Variants in RALGAPB observed in about 807,000 individuals in gnomAD.
The protein encoded by RALGAPB is Ral GTPase activating protein non-catalytic subunit beta.
Under a neutral mutation model 161.1 loss-of-function variants are expected in RALGAPB, and 25 were observed. The ratio of observed to expected loss-of-function variants is 0.16; its 90% CI spans 0.11 to 0.22. The LOEUF (loss-of-function observed/expected upper bound fraction) is 0.22, where lower values mean the gene tolerates loss of function less well. RALGAPB is among the 10% of genes least tolerant of loss of function. The pLI, the probability that RALGAPB is intolerant of heterozygous loss-of-function variation, is 1.00. For missense variants in RALGAPB, 1,391 were observed against 1,815.2 expected, an observed-to-expected ratio of 0.77 and a Z score of 4.25; for synonymous variants, 629 against 626.1, an observed-to-expected ratio of 1.00 and a Z score of -0.07.
chr20:38,557,061 G>A (rs868708244), intron 22 of RALGAPB, among the ~76,000 whole-genome samples: 2 of 152,314 alleles, frequency 1.3e-5, no homozygotes, highest in African/African-American at 2.4e-5. Flanking sequence ...GTGAAAGACA[G>A]TCATTCTTGC....
intron 2 of RALGAPB, among the ~76,000 whole-genome samples, chr20:38,489,290 C>T (rs940171836): frequency 6.6e-6 from 1 of 152,168 alleles, no homozygotes; most frequent in African/African-American, 2.4e-5. Context: ...GATTCTTCCA[C>T]CCCAGTGAGT....
At chr20:38,535,806 A>G (rs966277177) in intron 16 of RALGAPB, among the ~76,000 whole-genome samples, 2 of 152,070 alleles carry the variant, frequency 1.3e-5, no homozygotes, top group Non-Finnish European at 2.9e-5. Flanking sequence ...GCTGATCTCG[A>G]ACTTCTGACC....
intron 1 of RALGAPB, among the ~76,000 whole-genome samples, chr20:38,486,368 T>C (rs976055490): frequency 6.6e-6 from 1 of 152,212 alleles, no homozygotes; most frequent in African/African-American, 2.4e-5. Flanking sequence ...ATTTCTTACA[T>C]TTAAAAACTT....
chr20:38,525,287 A>G (rs1376388360), intron 11 of RALGAPB, 117 bp from the exon 12 acceptor site: 1 of 735,484 alleles, frequency 1.4e-6, no homozygotes, highest in East Asian at 2.6e-5. Flanking sequence ...ACTTAGAAAT[A>G]TACAATATAC....
chr20:38,539,639 A>G, intron 16 of RALGAPB, 137 bp from the exon 17 acceptor site: 1 of 686,374 alleles, frequency 1.5e-6, no homozygotes, highest in South Asian at 2.2e-5. Flanking sequence ...CTGTTCCTGT[A>G]TATAAATAAT....
rs1437599771 is a variant in RALGAPB, at chr20:38,578,700, T to C, written c.*3733T>C. 2 of 152,642 alleles carry C rather than the reference T, an allele frequency of 1.3e-5. No individual in the cohort carries two copies. Among genetic ancestry groups the C allele is most frequent in the Non-Finnish European group, 2.9e-5 (2 of 68,042 alleles). 9.5% of individuals were successfully genotyped at this position (152,642 alleles called of 1,614,324 possible). ...AAGGCAAAGTGTAAATATGAAGGCGTGCCCGTGCCCCTTGCCTCCTGTGTT... is the reference window on the plus strand; with the variant it reads ...AAGGCAAAGTGTAAATATGAAGGCGCGCCCGTGCCCCTTGCCTCCTGTGTT... On this transcript the variant is annotated 3_prime_UTR_variant, in exon 30 of 30. Transcript: ENST00000262879.
chr20:38,569,204 G>C (rs2088131581), intron 26 of RALGAPB: 3 of 152,204 alleles, frequency 2.0e-5, no homozygotes, highest in Admixed American at 2.0e-4. Flanking sequence ...TCTTCCCTCT[G>C]TACACATGAG....
In RALGAPB at chr20:38,524,709, T is replaced by C. The variant is rs980485939; in HGVS notation, c.1620-69T>C. On this transcript the variant is annotated intron_variant, in intron 10 of 29. Transcript: ENST00000262879. ...GTGGAAATAGACTTTCAGTTAACTATGTAGCAAATAATAATTATGAAAACT... is the reference window on the plus strand; with the variant it reads ...GTGGAAATAGACTTTCAGTTAACTACGTAGCAAATAATAATTATGAAAACT... 3.3e-6 allele frequency: 4 copies of C among 1,212,594 alleles called. No homozygotes were observed. The African/African-American group carries it at 6.0e-5, about 18-fold the overall frequency. The allele number at this position is 1,212,594 out of a possible 1,614,324, so 75.1% of individuals were successfully genotyped here.
intron 4 of RALGAPB, among the ~76,000 whole-genome samples, chr20:38,499,205 A>G (rs1031632993): frequency 6.6e-6 from 1 of 152,142 alleles, no homozygotes; most frequent in Admixed American, 6.5e-5. Context: ...AAGGCCTTCA[A>G]TAAGAACTGA....
chr20:38,509,347 G>A, intron 6 of RALGAPB, 139 bp downstream of exon 6: 1 of 958,488 alleles, frequency 1.0e-6, no homozygotes, highest in East Asian at 2.6e-5. Flanking sequence ...TGGACAACAA[G>A]CACATTTCTG....
At chr20:38,513,254 A>G (rs903986079) in intron 6 of RALGAPB, among the ~76,000 whole-genome samples, 10 of 151,960 alleles carry the variant, frequency 6.6e-5, no homozygotes, top group South Asian at 2.1e-4. Context: ...CTGTAATCCC[A>G]ACACTTTGGG....
At chr20:38,531,351 G>A in intron 14 of RALGAPB, 120 bp downstream of exon 14, 2 of 808,314 alleles carry the variant, frequency 2.5e-6, no homozygotes, top group Non-Finnish European at 3.9e-6. Flanking sequence ...CCTGCTCATT[G>A]GCTCAGAAGT....
At chr20:38,515,179 G>C (rs1370122862) in intron 6 of RALGAPB, among the ~76,000 whole-genome samples, 3 of 152,168 alleles carry the variant, frequency 2.0e-5, no homozygotes, top group African/African-American at 7.2e-5. Context: ...GTCTTACTTG[G>C]TGGACTAGTC....
intron 6 of RALGAPB, among the ~76,000 whole-genome samples, chr20:38,511,917 C>T (rs1410305832): frequency 2.0e-5 from 3 of 151,826 alleles, no homozygotes; most frequent in Admixed American, 6.6e-5. Context: ...CGGGCAGAGG[C>T]GCCCCCCACC....
chr20:38,494,133 T>C (rs2085348950), intron 3 of RALGAPB, among the ~76,000 whole-genome samples: 1 of 152,218 alleles, frequency 6.6e-6, no homozygotes, highest in South Asian at 2.1e-4. Context: ...GCATCACTCT[T>C]GTATCTCTCA....
intron 21 of RALGAPB, 63 bp downstream of exon 21, chr20:38,551,286 G>T: frequency 6.5e-7 from 1 of 1,538,526 alleles, no homozygotes; most frequent in Non-Finnish European, 8.9e-7. Context: ...CGACTTCCTT[G>T]GTCAAGACAA....
chr20:38,574,827 A>G lies in RALGAPB; in HGVS notation c.4345A>G (p.Ser1449Gly), dbSNP rs746566238. The change falls in exon 30 of 30, where the codon AGT (serine) becomes GGT (glycine). Residue 1449 changes from serine to glycine, a missense_variant. By Grantham distance (56) the Ser-to-Gly change is moderately conservative. Around this residue, in one of 3 missense-constraint regions of RALGAPB, gnomAD observed 436 missense variants for 527.0 expected, o/e 0.83. Coordinates refer to ENST00000262879, the MANE Select transcript of RALGAPB (RefSeq NM_020336.4). ...CATTTGTAGAAGAAAGAGACTGGAA[A>G]GTGACTCCTACAGTCCCCCCCATGT... ...INICRRKRLE[S>G]DSYSPPHVRR... 1 of 1,614,050 alleles carries G rather than the reference A, an allele frequency of 6.2e-7. No homozygotes were observed. Among genetic ancestry groups the G allele is most frequent in the Admixed American group, 1.7e-5 (1 of 60,022 alleles).
intron 1 of RALGAPB, among the ~76,000 whole-genome samples, chr20:38,482,237 A>G (rs1455683283): frequency 1.3e-5 from 2 of 152,130 alleles, no homozygotes; most frequent in African/African-American, 4.8e-5. Flanking sequence ...CTTCATCCTC[A>G]TCATCTGCAT....
At chr20:38,531,254 G>T (rs1462133112) in intron 14 of RALGAPB, 23 bp downstream of exon 14, 2 of 1,544,544 alleles carry the variant, frequency 1.3e-6, no homozygotes, top group Non-Finnish European at 1.8e-6. Context: ...CATGCAATCT[G>T]TCAGAGAATA....
Sources: allele counts gnomAD v4.1 joint callset (sites outside exome capture counted in the v4.1 genomes callset), GRCh38; gene constraint gnomAD v4.1.1; regional missense constraint gnomAD v4.1.1; transcripts MANE v1.5; gene names NCBI Gene and HGNC (gene_info 2026-07-23, HGNC 2026-07-21).